Variants in PCDH15 observed in about 807,000 individuals in gnomAD.
PCDH15 encodes the protein protocadherin related 15.
A neutral mutation model predicts 178.5 loss-of-function variants in PCDH15; 129 were observed. That is an observed-to-expected ratio of 0.72 (90% confidence interval 0.63 to 0.84). The LOEUF is 0.84. Among genes scored for constraint, PCDH15 ranks in the 40% least tolerant of loss-of-function variants. The probability of loss-of-function intolerance (pLI) is 0.00; values close to 1 mark genes in which losing one functional copy is unlikely to be tolerated. For synonymous variants in PCDH15, 800 were observed against 732.0 expected (o/e 1.09, Z -1.50); for missense variants, 2,230 against 2,099.9 (o/e 1.06, Z -1.21).
intron 2 of PCDH15, among the ~76,000 whole-genome samples, chr10:55,478,197 C>T (rs1267298355): frequency 6.6e-6 from 1 of 151,718 alleles, no homozygotes; most frequent in Non-Finnish European, 1.5e-5. Context: ...AAATGGAGAG[C>T]TAGAATGCAA....
At chr10:55,418,506 G>A (rs112381005) in intron 2 of PCDH15, among the ~76,000 whole-genome samples, 8 of 151,758 alleles carry the variant, frequency 5.3e-5, no homozygotes, top group African/African-American at 1.9e-4. Flanking sequence ...ATATCAGTTA[G>A]TAAAAGAAAA....
intron 15 of PCDH15, among the ~76,000 whole-genome samples, chr10:54,130,769 C>T (rs12269047): frequency 0.016 from 2,377 of 152,274 alleles, 75 homozygotes; most frequent in African/African-American, 0.055. Flanking sequence ...AGTGCGTCAG[C>T]TGTAGGTAGT....
intron 3 of PCDH15, among the ~76,000 whole-genome samples, chr10:54,521,037 G>A (rs1202996713): frequency 2.3e-5 from 3 of 129,198 alleles, no homozygotes; most frequent in Admixed American, 9.7e-5. Context: ...ACAGGAAGGG[G>A]AACATCACAT....
intron 1 of PCDH15, among the ~76,000 whole-genome samples, chr10:55,271,300 A>C (rs934110835): frequency 4.6e-5 from 7 of 152,154 alleles, no homozygotes; most frequent in African/African-American, 1.7e-4. Flanking sequence ...AATTAAAAAT[A>C]TTTTAAAAAT....
chr10:54,483,060 G>T (rs2078838920), intron 3 of PCDH15, among the ~76,000 whole-genome samples: 1 of 151,800 alleles, frequency 6.6e-6, no homozygotes, highest in South Asian at 2.1e-4. Context: ...AAACAGTATA[G>T]AAACAATGTA....
At chr10:55,154,360 T>C (rs1464471153) in intron 2 of PCDH15, among the ~76,000 whole-genome samples, 4 of 152,162 alleles carry the variant, frequency 2.6e-5, no homozygotes, top group East Asian at 3.9e-4. Context: ...TATTCATGTA[T>C]ATGAATGGAG....
intron 13 of PCDH15, among the ~76,000 whole-genome samples, chr10:54,177,784 C>T (rs555604935): frequency 2.6e-5 from 4 of 152,146 alleles, no homozygotes; most frequent in African/African-American, 4.8e-5. Flanking sequence ...GCCTCCAACA[C>T]GACTAGATGC....
chr10:54,028,450 A>G (rs1452147330), intron 18 of PCDH15, among the ~76,000 whole-genome samples: 1 of 151,802 alleles, frequency 6.6e-6, no homozygotes, highest in Non-Finnish European at 1.5e-5. Context: ...ATATACCCAA[A>G]GGACTAGAAA....
chr10:55,263,008 G>A (rs1338996147), intron 1 of PCDH15, among the ~76,000 whole-genome samples: 2 of 152,094 alleles, frequency 1.3e-5, no homozygotes, highest in African/African-American at 2.4e-5. Context: ...GAACAGTGGG[G>A]CACCAAATAA....
intron 8 of PCDH15, among the ~76,000 whole-genome samples, chr10:54,241,387 G>C (rs989938177): frequency 6.6e-6 from 1 of 152,186 alleles, no homozygotes; most frequent in Non-Finnish European, 1.5e-5. Context: ...GTATCAAAAT[G>C]TTCCTCTATT....
intron 9 of PCDH15, among the ~76,000 whole-genome samples, chr10:54,229,676 A>T (rs919797829): frequency 2.1e-4 from 32 of 152,288 alleles, no homozygotes; most frequent in African/African-American, 7.0e-4. Flanking sequence ...ATATTTTGCC[A>T]TGTGAGACAT....
intron 28 of PCDH15, among the ~76,000 whole-genome samples, chr10:53,855,904 G>GTATGTATATATATATATA (rs147606526): frequency 1.8e-5 from 2 of 109,688 alleles, no homozygotes; most frequent in African/African-American, 7.6e-5. Flanking sequence ...AAGGTGATAT[G>GTATGTATATATATATATA]TATATATATA....
chr10:55,239,230 T>A (rs1389496879), intron 1 of PCDH15, among the ~76,000 whole-genome samples: 1 of 152,194 alleles, frequency 6.6e-6, no homozygotes, highest in Non-Finnish European at 1.5e-5. Flanking sequence ...TATTCCAATA[T>A]GTATACGTAC....
At position 54,164,163 on chromosome 10, in the gene PCDH15, T is replaced by C. The variant is rs983853501; in HGVS notation, c.1591-10870A>G. 2.6e-5 allele frequency among the ~76,000 whole-genome samples: 4 copies of C among 152,312 alleles called. No individual in the cohort carries two copies. In the South Asian group the frequency reaches 8.3e-4, roughly 32 times the overall value. ...TATGCTATCAGACCAGATGCAGAAT[T>C]GTCGGAGAAAGAGTATCTAATGACT... is the stretch of plus-strand genomic sequence containing the variant. On this transcript the variant is annotated intron_variant, in intron 13 of 37. Transcript: ENST00000644397.
chr10:54,937,791 A>G (rs561985800), intron 2 of PCDH15, among the ~76,000 whole-genome samples: 1 of 152,198 alleles, frequency 6.6e-6, no homozygotes, highest in South Asian at 2.1e-4. Flanking sequence ...AAATTATGTC[A>G]TCTTCAAATA....
chr10:55,518,501 TA>T, intron 2 of PCDH15, among the ~76,000 whole-genome samples: 1 of 151,186 alleles, frequency 6.6e-6, no homozygotes, highest in Non-Finnish European at 1.5e-5. Context: ...GAGCAGAGAG[TA>T]AAACACAGAT....
At chr10:54,216,596 T>C (rs1169800714) in intron 9 of PCDH15, among the ~76,000 whole-genome samples, 1 of 152,184 alleles carries the variant, frequency 6.6e-6, no homozygotes, top group Non-Finnish European at 1.5e-5. Flanking sequence ...ATTCCTACAT[T>C]AAGATTTCAT....
intron 18 of PCDH15, among the ~76,000 whole-genome samples, chr10:54,040,622 T>C (rs1279966058): frequency 6.6e-6 from 1 of 152,042 alleles, no homozygotes; most frequent in African/African-American, 2.4e-5. Context: ...TACTGCCACA[T>C]GCCAGTTAGA....
intron 18 of PCDH15, among the ~76,000 whole-genome samples, chr10:54,044,925 G>A (rs1163239408): frequency 6.6e-6 from 1 of 151,916 alleles, no homozygotes; most frequent in Non-Finnish European, 1.5e-5. Context: ...CCAGAAAATT[G>A]CACATAACAT....
Sources: allele counts gnomAD v4.1 joint callset (sites outside exome capture counted in the v4.1 genomes callset), GRCh38; gene constraint gnomAD v4.1.1; transcripts MANE v1.5; gene names NCBI Gene and HGNC (gene_info 2026-07-23, HGNC 2026-07-21).